The following TULP4 variants were observed in gnomAD, a reference collection of about 807,000 sequenced individuals.
TULP4 encodes TUB like protein 4, also known as tubby-related protein 4.
A neutral mutation model predicts 129.0 loss-of-function variants in TULP4; 16 were observed. The ratio of observed to expected loss-of-function variants is 0.12; its 90% CI spans 0.08 to 0.19. The LOEUF is 0.19. Ranked by LOEUF, TULP4 falls within the 10% of genes least tolerant of loss-of-function variation. The pLI, the probability that TULP4 is intolerant of heterozygous loss-of-function variation, is 1.00. For synonymous variants in TULP4, 998 were observed against 854.0 expected (o/e 1.17, Z -2.94); for missense variants, 1,842 against 2,059.1 (o/e 0.89, Z 2.04).
intron 1 of TULP4, among the ~76,000 whole-genome samples, chr6:158,298,855 G>T (rs993201842): frequency 6.6e-6 from 1 of 152,188 alleles, no homozygotes; most frequent in African/African-American, 2.4e-5. Context: ...AATCCTAGGT[G>T]CCCGGGGATG....
intron 6 of TULP4, among the ~76,000 whole-genome samples, chr6:158,463,131 C>T (rs1278196837): frequency 1.3e-5 from 2 of 152,148 alleles, no homozygotes; most frequent in African/African-American, 4.8e-5. Flanking sequence ...AGAGGCAGAT[C>T]TGTGGTGGCT....
At chr6:158,423,124 G>C (rs1044389779) in intron 2 of TULP4, among the ~76,000 whole-genome samples, 6 of 16,940 alleles carry the variant, frequency 3.5e-4, no homozygotes, top group African/African-American at 1.0e-3. Context: ...CAAAAAAGAG[G>C]GGGGGGGGGG....
intron 1 of TULP4, among the ~76,000 whole-genome samples, chr6:158,294,135 G>A (rs142845221): frequency 0.017 from 2,568 of 152,260 alleles, 75 homozygotes; most frequent in African/African-American, 0.059. Flanking sequence ...AGACCGAGGC[G>A]GGTGGATCAC....
chr6:158,381,069 G>T (rs1191923040), intron 1 of TULP4, among the ~76,000 whole-genome samples: 2 of 151,950 alleles, frequency 1.3e-5, no homozygotes, highest in Non-Finnish European at 2.9e-5. Context: ...CCTGAAGGTG[G>T]GTGGGTTGTA....
chr6:158,362,919 G>T (rs1326131277), intron 1 of TULP4, among the ~76,000 whole-genome samples: 1 of 152,000 alleles, frequency 6.6e-6, no homozygotes, highest in African/African-American at 2.4e-5. Flanking sequence ...AAAATTAGCC[G>T]GGTGCAGTGG....
At chr6:158,425,509 G>A (rs1404535021) in intron 2 of TULP4, among the ~76,000 whole-genome samples, 39 of 70,218 alleles carry the variant, frequency 5.6e-4, no homozygotes, top group South Asian at 5.1e-3. Context: ...GCAAAACTCC[G>A]TCTCAAAAAA....
intron 1 of TULP4, among the ~76,000 whole-genome samples, chr6:158,240,789 C>CG (rs1451652623): frequency 2.1e-5 from 3 of 144,646 alleles, no homozygotes; most frequent in Non-Finnish European, 4.6e-5. Context: ...GCTGGCCAGG[C>CG]GGGGGGCTGA....
At chr6:158,273,429 T>C (rs1778584136) in intron 1 of TULP4, among the ~76,000 whole-genome samples, 1 of 152,344 alleles carries the variant, frequency 6.6e-6, no homozygotes, top group East Asian at 1.9e-4. Flanking sequence ...GTATGTTCTG[T>C]AGTTCTGTAG....
rs1779046256 is a variant in TULP4 at position 158,296,954 on chromosome 6, TTA to T, written n.116+14578_116+14579del. 2.0e-5 allele frequency among the ~76,000 whole-genome samples: 3 copies of T among 152,334 alleles called. No individual in the cohort carries two copies. In the East Asian group the frequency reaches 5.8e-4, roughly 29 times the overall value. On this transcript the variant is annotated intron_variant and non_coding_transcript_variant, in intron 1 of 1. Transcript: ENST00000432358. ...GGGTCTGTGTTCAGCAGTGCACGTA[TTA>T]TCTTGATAAACATCTTAACAGAAAA...
intron 1 of TULP4, among the ~76,000 whole-genome samples, chr6:158,240,389 G>C (rs1777859669): frequency 1.4e-5 from 1 of 72,138 alleles, no homozygotes; most frequent in African/African-American, 4.7e-5. Context: ...TGGCCGGGCA[G>C]AGGGGCTCCT....
chr6:158,404,724 C>T (rs1230586083), intron 1 of TULP4, among the ~76,000 whole-genome samples: 3 of 142,830 alleles, frequency 2.1e-5, no homozygotes, highest in Non-Finnish European at 4.5e-5. Context: ...TGCAGCAAGC[C>T]GAGATTGCAC....
intron 1 of TULP4, among the ~76,000 whole-genome samples, chr6:158,335,724 A>G (rs1452155378): frequency 1.3e-5 from 2 of 152,176 alleles, no homozygotes; most frequent in African/African-American, 2.4e-5. Flanking sequence ...TTCGTTTAAC[A>G]TCTGGAGATC....
At chr6:158,371,395 T>A (rs1012436065) in intron 1 of TULP4, among the ~76,000 whole-genome samples, 6 of 152,212 alleles carry the variant, frequency 3.9e-5, no homozygotes, top group Non-Finnish European at 7.3e-5. Context: ...AGGAGCCAGT[T>A]CACTTTTTGG....
chr6:158,497,811 G>A (rs750716238), intron 11 of TULP4, among the ~76,000 whole-genome samples: 1 of 152,202 alleles, frequency 6.6e-6, no homozygotes, highest in Non-Finnish European at 1.5e-5. Flanking sequence ...GAGGCCTGCT[G>A]TGCCGCAGTC....
chr6:158,303,945 C>T (rs1779171066), intron 1 of TULP4, among the ~76,000 whole-genome samples: 1 of 152,130 alleles, frequency 6.6e-6, no homozygotes, highest in Non-Finnish European at 1.5e-5. Context: ...TGCTTTTTTA[C>T]CTCTCCACTC....
At chr6:158,392,530 G>A (rs1777607328) in intron 1 of TULP4, among the ~76,000 whole-genome samples, 1 of 152,128 alleles carries the variant, frequency 6.6e-6, no homozygotes, top group South Asian at 2.1e-4. Context: ...ATAATCACAA[G>A]ATGACTGCCA....
At chr6:158,381,022 C>T (rs1158881468) in intron 1 of TULP4, among the ~76,000 whole-genome samples, 1 of 151,888 alleles carries the variant, frequency 6.6e-6, no homozygotes, top group Admixed American at 6.6e-5. Context: ...GGAGCCCTTC[C>T]GAGTCCCATG....
At chr6:158,335,027 C>T (rs1433141075) in intron 1 of TULP4, among the ~76,000 whole-genome samples, 6 of 152,080 alleles carry the variant, frequency 3.9e-5, no homozygotes, top group Non-Finnish European at 8.8e-5. Context: ...CCTGTAGTCC[C>T]AGGGCTTTGG....
At chr6:158,349,606 G>T (rs188436429) in intron 1 of TULP4, among the ~76,000 whole-genome samples, 1 of 142,332 alleles carries the variant, frequency 7.0e-6, no homozygotes, top group Non-Finnish European at 1.6e-5. Context: ...GGTGGCAGCC[G>T]GGCAGAGGCG....
Sources: gnomAD v4.1 joint callset for allele counts (sites outside exome capture counted in the v4.1 genomes callset) on GRCh38, gnomAD v4.1.1 for gene constraint, MANE v1.5 for transcripts, NCBI Gene and HGNC (gene_info 2026-07-23, HGNC 2026-07-21) for gene names.